The following PTPRT variants were observed in gnomAD, a reference collection of about 807,000 sequenced individuals.
PTPRT encodes the protein protein tyrosine phosphatase receptor type T.
In PTPRT, 56 loss-of-function variants were observed where a neutral mutation model predicts 176.8. The observed-to-expected ratio is 0.32, with a 90% CI of 0.26 to 0.40. The LOEUF is 0.40. PTPRT is among the 10% of genes least tolerant of loss of function. The probability of loss-of-function intolerance (pLI) is 1.00; values close to 1 mark genes in which losing one functional copy is unlikely to be tolerated. For synonymous variants in PTPRT, 783 were observed against 739.0 expected, an observed-to-expected ratio of 1.06 and a Z score of -0.96; for missense variants, 1,540 against 1,908.2, an observed-to-expected ratio of 0.81 and a Z score of 3.60.
chr20:42,642,637 CAGTG>C (rs1377210136), intron 7 of PTPRT, among the ~76,000 whole-genome samples: 1 of 152,096 alleles, frequency 6.6e-6, no homozygotes, highest in Non-Finnish European at 1.5e-5. Flanking sequence ...ATGAGGTACC[CAGTG>C]AGTGGTAACT....
At chr20:42,836,938 T>C (rs1303350079) in intron 2 of PTPRT, among the ~76,000 whole-genome samples, 1 of 152,222 alleles carries the variant, frequency 6.6e-6, no homozygotes, top group Non-Finnish European at 1.5e-5. Flanking sequence ...GAAAGATTAA[T>C]GTGTCCAGTG....
chr20:42,693,942 T>C (rs1388806675), intron 6 of PTPRT, among the ~76,000 whole-genome samples: 1 of 152,120 alleles, frequency 6.6e-6, no homozygotes, highest in Non-Finnish European at 1.5e-5. Flanking sequence ...AATTTTGTTA[T>C]TTCCAAAAAG....
chr20:42,294,086 CT>C (rs1210282319), intron 12 of PTPRT, among the ~76,000 whole-genome samples: 2 of 152,148 alleles, frequency 1.3e-5, no homozygotes, highest in Non-Finnish European at 2.9e-5. Flanking sequence ...TGAAATATCT[CT>C]AAAGCTTTCA....
At chr20:42,365,629 A>G (rs1600899360) in intron 9 of PTPRT, among the ~76,000 whole-genome samples, 1 of 152,124 alleles carries the variant, frequency 6.6e-6, no homozygotes, top group East Asian at 1.9e-4. Context: ...AACACATGAA[A>G]TACACTCACA....
At chr20:43,148,434 C>CTGTTGT (rs1273005008) in intron 1 of PTPRT, among the ~76,000 whole-genome samples, 2 of 152,154 alleles carry the variant, frequency 1.3e-5, no homozygotes, top group African/African-American at 4.8e-5. Context: ...TCTCTCAGCA[C>CTGTTGT]TGTTGTTGTA....
intron 2 of PTPRT, among the ~76,000 whole-genome samples, chr20:42,821,550 G>A (rs879688439): frequency 2.6e-5 from 4 of 152,154 alleles, no homozygotes; most frequent in Non-Finnish European, 5.9e-5. Flanking sequence ...AGTATTGGAA[G>A]TTCTGGCCAG....
intron 7 of PTPRT, among the ~76,000 whole-genome samples, chr20:42,526,965 T>C (rs893729594): frequency 5.3e-5 from 7 of 132,170 alleles, no homozygotes; most frequent in African/African-American, 1.4e-4. Flanking sequence ...TCTTTTTTTT[T>C]TTTTTTTTTT....
At chr20:42,586,450 G>A (rs1374190014) in intron 7 of PTPRT, among the ~76,000 whole-genome samples, 3 of 152,152 alleles carry the variant, frequency 2.0e-5, no homozygotes, top group Non-Finnish European at 4.4e-5. Context: ...CTGTGGGGAA[G>A]GGATCACAAG....
chr20:42,443,590 G>A (rs1360560917), intron 9 of PTPRT, among the ~76,000 whole-genome samples: 2 of 152,176 alleles, frequency 1.3e-5, no homozygotes, highest in African/African-American at 4.8e-5. Flanking sequence ...GCTCTGACGA[G>A]GATTCTGAGC....
chr20:42,313,947 C>G (rs1025303085), intron 12 of PTPRT, among the ~76,000 whole-genome samples: 5 of 152,080 alleles, frequency 3.3e-5, no homozygotes, highest in African/African-American at 1.2e-4. Context: ...TTAATTAGTT[C>G]CTCAATCCGG....
chr20:42,536,797 T>C (rs1050422226), intron 7 of PTPRT, among the ~76,000 whole-genome samples: 6 of 152,098 alleles, frequency 3.9e-5, no homozygotes, highest in African/African-American at 1.4e-4. Context: ...ATAGAGGAAA[T>C]AGACACTCTT....
intron 13 of PTPRT, among the ~76,000 whole-genome samples, chr20:42,257,009 A>G (rs578006502): frequency 1.3e-5 from 2 of 152,304 alleles, no homozygotes; most frequent in African/African-American, 4.8e-5. Flanking sequence ...CCAAATCCAG[A>G]AGCCAGTAGG....
At chr20:42,670,542 A>C (rs1000429659) in intron 7 of PTPRT, among the ~76,000 whole-genome samples, 2 of 152,180 alleles carry the variant, frequency 1.3e-5, no homozygotes, top group African/African-American at 2.4e-5. Flanking sequence ...ATATCACTGC[A>C]AGTAGAAATC....
intron 9 of PTPRT, among the ~76,000 whole-genome samples, chr20:42,365,960 G>A (rs899957843): frequency 2.0e-5 from 3 of 152,286 alleles, no homozygotes; most frequent in East Asian, 3.9e-4. Flanking sequence ...CTTCCACACT[G>A]AGTGCCAGGA....
intron 14 of PTPRT, among the ~76,000 whole-genome samples, chr20:42,246,669 A>G (rs548292407): frequency 1.2e-4 from 18 of 152,390 alleles, no homozygotes; most frequent in South Asian, 8.3e-4. Context: ...TTTCTTCACA[A>G]TCTCACAGAT....
intron 27 of PTPRT, among the ~76,000 whole-genome samples, chr20:42,089,006 T>C (rs1458116545): frequency 6.6e-6 from 1 of 152,178 alleles, no homozygotes; most frequent in Admixed American, 6.5e-5. Context: ...ATAAATAGCA[T>C]AAGTATGCAA....
chr20:42,895,761 C>G (rs1218834391), intron 1 of PTPRT, among the ~76,000 whole-genome samples: 1 of 152,164 alleles, frequency 6.6e-6, no homozygotes, highest in Non-Finnish European at 1.5e-5. Flanking sequence ...TGATTCCTAA[C>G]CATTTAAAAA....
chr20:42,981,885 G>A (rs1006681350), intron 1 of PTPRT, among the ~76,000 whole-genome samples: 1 of 152,100 alleles, frequency 6.6e-6, no homozygotes, highest in Admixed American at 6.5e-5. Flanking sequence ...TAGGAAGGCT[G>A]AGCACTAGCA....
At chr20:42,611,819 G>C (rs1655583448) in intron 7 of PTPRT, among the ~76,000 whole-genome samples, 1 of 151,916 alleles carries the variant, frequency 6.6e-6, no homozygotes, top group South Asian at 2.1e-4. Flanking sequence ...CCCTCCATCA[G>C]TGCCCAGATC....
Sources: allele counts gnomAD v4.1 joint callset (sites outside exome capture counted in the v4.1 genomes callset), GRCh38; gene constraint gnomAD v4.1.1; transcripts MANE v1.5; gene names NCBI Gene and HGNC (gene_info 2026-07-23, HGNC 2026-07-21).